The following CACNA2D1 variants were observed in gnomAD, a reference collection of about 807,000 sequenced individuals.
The protein encoded by CACNA2D1 is voltage-dependent calcium channel subunit alpha-2/delta-1.
CACNA2D1 carries 53 observed loss-of-function variants against 171.5 expected under a neutral mutation model. The ratio of observed to expected loss-of-function variants is 0.31; its 90% CI spans 0.25 to 0.39. The LOEUF (loss-of-function observed/expected upper bound fraction) is 0.39. Among genes scored for constraint, CACNA2D1 ranks in the 10% least tolerant of loss-of-function variants. The pLI, the probability that CACNA2D1 is intolerant of heterozygous loss-of-function variation, is 1.00. For missense variants in CACNA2D1, 903 were observed against 1,299.8 expected (o/e 0.69, Z 4.69); for synonymous variants, 442 against 443.1 (o/e 1.00, Z 0.03).
At chr7:82,263,102 C>CTTTTTTTTTT (rs759968270) in intron 3 of CACNA2D1, among the ~76,000 whole-genome samples, 2 of 108,026 alleles carry the variant, frequency 1.9e-5, no homozygotes, top group Non-Finnish European at 3.6e-5. Context: ...CATAACACCA[C>CTTTTTTTTTT]TTTTTTTTTT....
At chr7:82,195,940 AGCTTTT>A in intron 3 of CACNA2D1, among the ~76,000 whole-genome samples, 1 of 152,148 alleles carries the variant, frequency 6.6e-6, no homozygotes, top group East Asian at 1.9e-4. Context: ...TCTCCTGGAA[AGCTTTT>A]GCAGTTCTGC....
At chr7:82,059,748 G>A (rs919762257) in intron 10 of CACNA2D1, among the ~76,000 whole-genome samples, 2 of 151,168 alleles carry the variant, frequency 1.3e-5, no homozygotes, top group African/African-American at 4.9e-5. Flanking sequence ...AACCAACCCA[G>A]ATGTCCAACA....
At chr7:82,106,764 T>C (rs1787809139) in intron 6 of CACNA2D1, among the ~76,000 whole-genome samples, 1 of 152,150 alleles carries the variant, frequency 6.6e-6, no homozygotes, top group Admixed American at 6.5e-5. Flanking sequence ...CTGAGAAATA[T>C]CAGCTCTGAG....
chr7:82,254,977 TA>T (rs1806119580), intron 3 of CACNA2D1, among the ~76,000 whole-genome samples: 1 of 152,270 alleles, frequency 6.6e-6, no homozygotes, highest in South Asian at 2.1e-4. Flanking sequence ...GATGTAGATA[TA>T]AAATGTATTC....
At chr7:82,374,346 A>C (rs1822762798) in intron 1 of CACNA2D1, among the ~76,000 whole-genome samples, 1 of 152,198 alleles carries the variant, frequency 6.6e-6, no homozygotes, top group African/African-American at 2.4e-5. Context: ...CATTAACAGG[A>C]ATCACCCATT....
chr7:82,176,002 A>C (rs1413154040), intron 3 of CACNA2D1, among the ~76,000 whole-genome samples: 1 of 152,050 alleles, frequency 6.6e-6, no homozygotes, highest in Non-Finnish European at 1.5e-5. Flanking sequence ...CTGGTCTATA[A>C]AACCATAGGG....
chr7:82,286,847 T>G (rs991529832), intron 3 of CACNA2D1, among the ~76,000 whole-genome samples: 1 of 152,186 alleles, frequency 6.6e-6, no homozygotes, highest in African/African-American at 2.4e-5. Flanking sequence ...TGTGGAGATT[T>G]TTCCCCCCAT....
chr7:81,970,885 C>A (rs1795196331), intron 26 of CACNA2D1, 148 bp from the exon 27 acceptor site: 1 of 621,938 alleles, frequency 1.6e-6, no homozygotes, highest in East Asian at 2.8e-5. Flanking sequence ...ATTTAAATAT[C>A]TATTAAATTT....
At chr7:82,434,523 C>A (rs1402661489) in intron 1 of CACNA2D1, among the ~76,000 whole-genome samples, 1 of 152,002 alleles carries the variant, frequency 6.6e-6, no homozygotes, top group East Asian at 1.9e-4. Flanking sequence ...CTCACTCCTC[C>A]CACTCTCCAC....
intron 1 of CACNA2D1, among the ~76,000 whole-genome samples, chr7:82,354,058 G>A (rs1193389855): frequency 6.6e-6 from 1 of 152,028 alleles, no homozygotes; most frequent in Non-Finnish European, 1.5e-5. Context: ...TGTGGCGAGT[G>A]TCCTGCCCTA....
At chr7:82,322,227 G>A (rs1816064395) in intron 3 of CACNA2D1, among the ~76,000 whole-genome samples, 1 of 149,668 alleles carries the variant, frequency 6.7e-6, no homozygotes, top group Non-Finnish European at 1.5e-5. Flanking sequence ...GAAAAGAACT[G>A]CCAACTCCCT....
chr7:82,295,432 G>C (rs959459746), intron 3 of CACNA2D1, among the ~76,000 whole-genome samples: 6 of 151,644 alleles, frequency 4.0e-5, no homozygotes, highest in Admixed American at 3.9e-4. Flanking sequence ...GACCCCCCAG[G>C]CTCCAGCGAT....
chr7:82,322,098 C>T (rs1816008908), intron 3 of CACNA2D1, among the ~76,000 whole-genome samples: 1 of 119,346 alleles, frequency 8.4e-6, no homozygotes, highest in Non-Finnish European at 1.6e-5. Flanking sequence ...TGCACTCCAG[C>T]CTGGGTGACA....
intron 16 of CACNA2D1, among the ~76,000 whole-genome samples, chr7:82,006,603 A>T (rs1219413400): frequency 6.6e-6 from 1 of 152,142 alleles, no homozygotes; most frequent in East Asian, 1.9e-4. Context: ...AGGCACAGAT[A>T]GAGTAAGAAA....
In CACNA2D1 at chr7:82,443,382, C is replaced by T; in HGVS notation, c.78G>A (p.Pro26=). ...SLLIGPSSEE[P]FPSAVTIKSW... ...CGACTTACGTGACGGCCGAAGGGAA[C>T]GGCTCCTCCGACGAGGGGCCGATGA... Residue 26 remains proline, a synonymous_variant, in exon 1 of 39, where the codon CCG becomes CCA. Transcript: ENST00000356860. The T allele has an allele frequency of 6.2e-7, 1 of 1,603,588 alleles. No homozygotes were observed. The highest frequency in any genetic ancestry group is 8.5e-7 in the Non-Finnish European group (1 of 1,175,124).
At chr7:82,022,253 G>A (rs1179421994) in intron 12 of CACNA2D1, among the ~76,000 whole-genome samples, 2 of 124,008 alleles carry the variant, frequency 1.6e-5, no homozygotes, top group African/African-American at 3.4e-5. Flanking sequence ...ACACACACAC[G>A]TGCATAAAAC....
At chr7:81,994,988 G>T in intron 19 of CACNA2D1, 49 bp from the exon 20 acceptor site, 2 of 881,606 alleles carry the variant, frequency 2.3e-6, no homozygotes, top group Non-Finnish European at 3.9e-6. Context: ...AAGCTGACCT[G>T]CCAAAATATG....
chr7:82,116,183 G>A (rs151055974), intron 6 of CACNA2D1, among the ~76,000 whole-genome samples: 2 of 152,262 alleles, frequency 1.3e-5, no homozygotes, highest in South Asian at 4.1e-4. Flanking sequence ...GGTGCAGGAT[G>A]GGGTGGAGGG....
At chr7:82,118,786 G>A (rs1304117955) in intron 5 of CACNA2D1, among the ~76,000 whole-genome samples, 1 of 151,814 alleles carries the variant, frequency 6.6e-6, no homozygotes, top group Non-Finnish European at 1.5e-5. Flanking sequence ...TTCTCAACTT[G>A]TAAAATCATG....
Sources: gnomAD v4.1 joint callset for allele counts (sites outside exome capture counted in the v4.1 genomes callset) on GRCh38, gnomAD v4.1.1 for gene constraint, MANE v1.5 for transcripts, NCBI Gene and HGNC (gene_info 2026-07-23, HGNC 2026-07-21) for gene names.